The following ZIC1 variants were observed in gnomAD, a reference collection of about 807,000 sequenced individuals.
The protein encoded by ZIC1 is Zic family zinc finger 1, also known as zinc finger protein ZIC 1.
Under a neutral mutation model 30.9 loss-of-function variants are expected in ZIC1, and 4 were observed. The observed-to-expected ratio is 0.13, with a 90% CI of 0.06 to 0.30. ZIC1 has a LOEUF of 0.30. Ranked by LOEUF, ZIC1 falls within the 10% of genes least tolerant of loss-of-function variation. The pLI, the probability that ZIC1 is intolerant of heterozygous loss-of-function variation, is 1.00. For missense variants in ZIC1, 441 were observed against 639.3 expected, an observed-to-expected ratio of 0.69 and a Z score of 3.34; for synonymous variants, 305 against 277.5, an observed-to-expected ratio of 1.10 and a Z score of -0.98.
chr3:147,413,474 T>C lies in ZIC1; in HGVS notation c.1267T>C (p.Ser423Pro). ...AGACAACCCGACCACAAGCTCCTTA[T>C]CGCCCTCCTCCTCCGCAGTCCACCA... ...STDNPTTSSL[S>P]PSSSAVHHTA... is the part of the protein sequence containing the mutation. The change falls in exon 3 of 3, where the codon TCG becomes CCG. Residue 423 changes from serine (S) to proline (P), a missense_variant. Physicochemically the swap from Ser to Pro is moderately conservative, Grantham distance 74. Transcript: ENST00000282928. The C allele has an allele frequency of 6.2e-7, 1 of 1,614,112 alleles. No homozygotes were observed. The highest frequency in any genetic ancestry group is 1.1e-5 in the South Asian group (1 of 91,078).
rs968615548 is a variant in ZIC1 at position 147,409,930 on chromosome 3, C to T, written c.-183C>T. ...CTTTGCGTTTGGCCCGGCCAGCGCCCGGGCGCGCCGCGCCATTGCCTGCAG... is the reference window on the plus strand; with the variant it reads ...CTTTGCGTTTGGCCCGGCCAGCGCCTGGGCGCGCCGCGCCATTGCCTGCAG... On this transcript the variant is annotated 5_prime_UTR_variant, in exon 1 of 3. Transcript: ENST00000282928. 3.1e-6 allele frequency: 2 copies of T among 644,012 alleles called. No individual in the cohort carries two copies. The highest frequency in any genetic ancestry group is 3.9e-5 in the Admixed American group (1 of 25,344). The allele number at this position is 644,012 out of a possible 1,614,324, so 39.9% of individuals were successfully genotyped here.
At position 147,413,825 on chromosome 3, in the gene ZIC1, A is replaced by C; in HGVS notation, c.*274A>C. ...CGAGGGGGAGGAGGCCACCTGACCA[A>C]ATGCCGCCAACCCCGAGGGCCAGTT... is the stretch of plus-strand genomic sequence containing the variant. On this transcript the variant is annotated 3_prime_UTR_variant, in exon 3 of 3. Coordinates refer to ENST00000282928, the MANE Select transcript of ZIC1 (RefSeq NM_003412.4). 1 of 306,706 alleles carries C rather than the reference A, an allele frequency of 3.3e-6. No homozygotes were observed. Among genetic ancestry groups the C allele is most frequent in the Non-Finnish European group, 5.9e-6 (1 of 169,142 alleles). 19.0% of individuals were successfully genotyped at this position (306,706 alleles called of 1,614,324 possible).
chr3:147,414,063 G>A lies in ZIC1; in HGVS notation c.*512G>A, dbSNP rs1290327352. On this transcript the variant is annotated 3_prime_UTR_variant, in exon 3 of 3. Coordinates refer to ENST00000282928, the MANE Select transcript of ZIC1 (RefSeq NM_003412.4). ...GGGCGGGGGGAGGGGGAGGGGGAGGGGTGGGCGGCCGAAAGCCAACTGTTT... is the reference window on the plus strand; with the variant it reads ...GGGCGGGGGGAGGGGGAGGGGGAGGAGTGGGCGGCCGAAAGCCAACTGTTT... 1.5e-5 allele frequency: 2 copies of A among 137,800 alleles called. No homozygotes were observed. The highest frequency in any genetic ancestry group is 4.8e-4 in the East Asian group (2 of 4,166). 8.5% of individuals were successfully genotyped at this position (137,800 alleles called of 1,614,324 possible).
chr3:147,410,643 G>A lies in ZIC1; in HGVS notation c.531G>A (p.Gln177=), dbSNP rs1490891164. 1.2e-6 allele frequency: 2 copies of A among 1,613,570 alleles called. No homozygotes were observed. The highest frequency in any genetic ancestry group is 2.2e-5 in the South Asian group (2 of 91,084). ...FSGDMYPRPE[Q]YGQVTSPRSE... ...GGGACATGTACCCGCGACCGGAGCA[G>A]TACGGCCAGGTGACCAGCCCGCGTT... is the stretch of plus-strand genomic sequence containing the variant. Residue 177 remains glutamine, a synonymous_variant, in exon 1 of 3, where the codon CAG becomes CAA. Coordinates refer to ENST00000282928, the MANE Select transcript of ZIC1 (RefSeq NM_003412.4).
Position 147,415,944 on chromosome 3 carries a change from G to T in ZIC1, c.*2393G>T, listed in dbSNP as rs1047456248. The T allele has an allele frequency of 6.6e-6, 1 of 152,110 alleles. No individual in the cohort carries two copies. The highest frequency in any genetic ancestry group is 6.5e-5 in the Admixed American group (1 of 15,286). 9.4% of individuals were successfully genotyped at this position (152,110 alleles called of 1,614,324 possible). A position where few individuals can be genotyped will look rare whatever the true frequency, so the allele number is the denominator to read the frequency against. On this transcript the variant is annotated 3_prime_UTR_variant, in exon 3 of 3. Transcript: ENST00000282928. ...ACTTACTGTACCACATCAAACACTGGGGAGGGTGGTGTTTAACTTTTTAAA... is the reference window on the plus strand; with the variant it reads ...ACTTACTGTACCACATCAAACACTGTGGAGGGTGGTGTTTAACTTTTTAAA...
rs1317662912 is a variant in ZIC1 at position 147,410,331 on chromosome 3, T to A, written c.219T>A (p.Ala73=). The A allele has an allele frequency of 1.3e-6, 2 of 1,599,692 alleles. No homozygotes were observed. Among genetic ancestry groups the A allele is most frequent in the Non-Finnish European group, 1.7e-6 (2 of 1,179,112 alleles). Residue 73 remains alanine, a synonymous_variant, in exon 1 of 3, where the codon GCT becomes GCA. Transcript: ENST00000282928. The part of the protein sequence containing the change: ...AFTSQAPGYA[A]AAALGHHHHP... ...CGTCGCAGGCGCCAGGCTACGCGGC[T>A]GCTGCGGCCCTGGGCCATCACCATC... is the stretch of plus-strand genomic sequence containing the variant.
At position 147,411,000 on chromosome 3, in the gene ZIC1, C is replaced by T. The variant is rs202031575; in HGVS notation, c.888C>T (p.His296=). The change falls in exon 1 of 3, where the codon CAC becomes CAT. Residue 296 remains histidine, a synonymous_variant. Coordinates refer to ENST00000282928, the MANE Select transcript of ZIC1 (RefSeq NM_003412.4). ...AACTGGTTAACCACATCCGCGTGCA[C>T]ACGGGCGAGAAGCCCTTTCCCTGCC... The part of the protein sequence containing the change: ...KYKLVNHIRV[H]TGEKPFPCPF... 16 of 1,614,140 alleles carry T rather than the reference C, an allele frequency of 9.9e-6. No homozygotes were observed. Among genetic ancestry groups the T allele is most frequent in the Non-Finnish European group, 8.5e-7 (1 of 1,180,056 alleles).
Position 147,415,417 on chromosome 3 carries a change from C to T in ZIC1, c.*1866C>T, listed in dbSNP as rs2087425151. 2 of 152,652 alleles carry T rather than the reference C, an allele frequency of 1.3e-5. No individual in the cohort carries two copies. Among genetic ancestry groups the T allele is most frequent in the African/African-American group, 2.4e-5 (1 of 41,454 alleles). 9.5% of individuals were successfully genotyped at this position (152,652 alleles called of 1,614,324 possible). On this transcript the variant is annotated 3_prime_UTR_variant, in exon 3 of 3. Coordinates refer to ENST00000282928, the MANE Select transcript of ZIC1 (RefSeq NM_003412.4). ...TCTCTAAATCAGATTGTCTTTCTTG[C>T]AGTTTAGTTTGATAGATTTGCAAGC...
rs2087424170 is a variant in ZIC1, at chr3:147,415,284, T to G, written c.*1733T>G. ...CTCTTTTATTTATTTCTCATTTACTTAAGAAATTCGTTCCATTGGTTGGCA... is the reference window on the plus strand; with the variant it reads ...CTCTTTTATTTATTTCTCATTTACTGAAGAAATTCGTTCCATTGGTTGGCA... On this transcript the variant is annotated 3_prime_UTR_variant, in exon 3 of 3. Transcript: ENST00000282928. 1.3e-5 allele frequency: 2 copies of G among 152,804 alleles called. No individual in the cohort carries two copies. Among genetic ancestry groups the G allele is most frequent in the Non-Finnish European group, 2.9e-5 (2 of 68,042 alleles). 9.5% of individuals were successfully genotyped at this position (152,804 alleles called of 1,614,324 possible).
rs2087427859 is a variant in ZIC1 at position 147,415,662 on chromosome 3, T to C, written c.*2111T>C. The stretch of plus-strand genomic sequence containing the variant: ...GGACCTGATTCTTTAATGCACTCTA[T>C]GTGTTCAGGAAGCCACAGGCCATAT... On this transcript the variant is annotated 3_prime_UTR_variant, in exon 3 of 3. Transcript: ENST00000282928. The C allele has an allele frequency of 6.6e-6, 1 of 152,340 alleles. No homozygotes were observed. The highest frequency in any genetic ancestry group is 1.5e-5 in the Non-Finnish European group (1 of 68,044). 9.4% of individuals were successfully genotyped at this position (152,340 alleles called of 1,614,324 possible). A position where few individuals can be genotyped will look rare whatever the true frequency, so the allele number is the denominator to read the frequency against.
At chr3:147,413,225 G>A in intron 2 of ZIC1, 129 bp from the exon 3 acceptor site, 6 of 962,718 alleles carry the variant, frequency 6.2e-6, no homozygotes, top group Non-Finnish European at 7.6e-6. Flanking sequence ...AAGTCCCGCT[G>A]ATCGGGCCTC....
chr3:147,412,852 G>A (rs1024969517), intron 2 of ZIC1, among the ~76,000 whole-genome samples, 171 bp downstream of exon 2: 13 of 152,232 alleles, frequency 8.5e-5, no homozygotes, highest in Admixed American at 3.3e-4. Flanking sequence ...CCTGGAAAAG[G>A]GGATGGGAGT....
chr3:147,411,183 C>A, intron 1 of ZIC1, 89 bp downstream of exon 1: 2 of 1,509,152 alleles, frequency 1.3e-6, no homozygotes, highest in Non-Finnish European at 1.8e-6. Flanking sequence ...ACAAACGCAG[C>A]CTCGGTGGGA....
In ZIC1 at chr3:147,410,688, G is replaced by A. The variant is rs759778746; in HGVS notation, c.576G>A (p.Pro192=). The A allele has an allele frequency of 6.6e-5, 107 of 1,613,928 alleles. No homozygotes were observed. In the South Asian group the frequency reaches 1.1e-3, roughly 17 times the overall value. Residue 192 remains proline (P), a synonymous_variant, in exon 1 of 3, where the codon CCG becomes CCA. Coordinates refer to ENST00000282928, the MANE Select transcript of ZIC1 (RefSeq NM_003412.4). ...CGCGTTCGGAGCACTATGCTGCGCCGCAGCTGCACGGCTACGGGCCCATGA... is the reference window on the plus strand; with the variant it reads ...CGCGTTCGGAGCACTATGCTGCGCCACAGCTGCACGGCTACGGGCCCATGA... ...TSPRSEHYAA[P]QLHGYGPMNV... is the part of the protein sequence containing the mutation.
chr3:147,413,349 T>C lies in ZIC1; in HGVS notation c.1147-5T>C. The C allele has an allele frequency of 6.2e-7, 1 of 1,611,744 alleles. No individual in the cohort carries two copies. Among genetic ancestry groups the C allele is most frequent in the South Asian group, 1.1e-5 (1 of 90,950 alleles). On this transcript the variant is annotated splice_region_variant and splice_polypyrimidine_tract_variant and intron_variant, in intron 2 of 2. Transcript: ENST00000282928. ...GTCCGTAAAAACGCGACTTTATTCC[T>C]GCAGGTCCACGAATCCTCCTCGCAG...
rs1042548873 is a variant in ZIC1, at chr3:147,412,011, G to A, written c.983-507G>A. 7.9e-5 allele frequency among the ~76,000 whole-genome samples: 12 copies of A among 152,062 alleles called. No individual in the cohort carries two copies. In the South Asian group the frequency reaches 2.1e-3, roughly 26 times the overall value. On this transcript the variant is annotated intron_variant, in intron 1 of 2. Transcript: ENST00000282928. ...ACGCCCGAGTCAGGGAAGAATTTGC[G>A]GCGTTGAGTTCTCTCCGGCCCAGAT...
chr3:147,411,171 G>T, intron 1 of ZIC1, 77 bp downstream of exon 1: 26 of 1,527,762 alleles, frequency 1.7e-5, no homozygotes, highest in Non-Finnish European at 2.2e-5. Flanking sequence ...CGGCCAGGTC[G>T]CACAAACGCA....
intron 1 of ZIC1, 89 bp downstream of exon 1, chr3:147,411,183 C>G: frequency 6.6e-7 from 1 of 1,509,154 alleles, no homozygotes; most frequent in Non-Finnish European, 8.9e-7. Flanking sequence ...ACAAACGCAG[C>G]CTCGGTGGGA....
Position 147,415,765 on chromosome 3 carries a change from A to T in ZIC1, c.*2214A>T, listed in dbSNP as rs1234580251. On this transcript the variant is annotated 3_prime_UTR_variant, in exon 3 of 3. Transcript: ENST00000282928. ...CTTAAGATACATCTATTTTAAAGTGAAATTAATTTTTCAGTTTATACCATT... is the reference window on the plus strand; with the variant it reads ...CTTAAGATACATCTATTTTAAAGTGTAATTAATTTTTCAGTTTATACCATT... 1 of 152,234 alleles carries T rather than the reference A, an allele frequency of 6.6e-6. No individual in the cohort carries two copies. Among genetic ancestry groups the T allele is most frequent in the Non-Finnish European group, 1.5e-5 (1 of 68,044 alleles). 9.4% of individuals were successfully genotyped at this position (152,234 alleles called of 1,614,324 possible). A position where few individuals can be genotyped will look rare whatever the true frequency, so the allele number is the denominator to read the frequency against.
Sources: gnomAD v4.1 joint callset for allele counts (sites outside exome capture counted in the v4.1 genomes callset) on GRCh38, gnomAD v4.1.1 for gene constraint, MANE v1.5 for transcripts, NCBI Gene and HGNC (gene_info 2026-07-23, HGNC 2026-07-21) for gene names.